Variants in GPHN observed in about 807,000 individuals in gnomAD.
The protein encoded by GPHN is gephyrin.
A neutral mutation model predicts 95.5 loss-of-function variants in GPHN; 17 were observed. The observed-to-expected ratio is 0.18, with a 90% CI of 0.12 to 0.27. The LOEUF is 0.27. Among genes scored for constraint, GPHN ranks in the 10% least tolerant of loss-of-function variants. The probability of loss-of-function intolerance (pLI) is 1.00; values close to 1 mark genes in which losing one functional copy is unlikely to be tolerated. For synonymous variants in GPHN, 320 were observed against 322.5 expected (o/e 0.99, Z 0.08); for missense variants, 660 against 978.1 (o/e 0.67, Z 4.34).
intron 1 of GPHN, among the ~76,000 whole-genome samples, chr14:66,634,998 A>T (rs2064020828): frequency 6.6e-6 from 1 of 152,186 alleles, no homozygotes; most frequent in South Asian, 2.1e-4. Context: ...TCCATCTCTG[A>T]TGTGGTGTCT....
At chr14:66,860,509 G>C (rs966927284) in intron 4 of GPHN, among the ~76,000 whole-genome samples, 11 of 151,970 alleles carry the variant, frequency 7.2e-5, no homozygotes, top group Non-Finnish European at 1.5e-4. Context: ...CAGTCTTAAA[G>C]AAAAGGATGC....
the GPHN span, among the ~76,000 whole-genome samples, chr14:67,391,269 ATATGTGTGTGTGTGTGTGTGTGTG>A: frequency 2.1e-5 from 3 of 139,568 alleles, no homozygotes; most frequent in African/African-American, 8.8e-5. Context: ...TAAGCAGCTG[ATATGTGTGTGTGTGTGTGTGTGTG>A]TGTGTGTGTG....
At chr14:66,682,295 C>T (rs994609243) in intron 2 of GPHN, among the ~76,000 whole-genome samples, 4 of 152,074 alleles carry the variant, frequency 2.6e-5, no homozygotes, top group African/African-American at 9.7e-5. Context: ...TGACAGTTGT[C>T]CTTTGAGTCC....
At chr14:67,209,942 C>T in the GPHN span, among the ~76,000 whole-genome samples, 1 of 151,418 alleles carries the variant, frequency 6.6e-6, no homozygotes, top group African/African-American at 2.4e-5. Flanking sequence ...AGAAAATTTA[C>T]TCCAGAAGAC....
chr14:67,302,754 T>G, the GPHN span, among the ~76,000 whole-genome samples: 1 of 152,186 alleles, frequency 6.6e-6, no homozygotes, highest in Non-Finnish European at 1.5e-5. Flanking sequence ...CCACTGATAT[T>G]TTTTTACTTT....
chr14:66,896,121 G>C (rs1019580774), intron 5 of GPHN, among the ~76,000 whole-genome samples: 11 of 152,110 alleles, frequency 7.2e-5, no homozygotes, highest in African/African-American at 2.2e-4. Flanking sequence ...CATGAGGACA[G>C]AGTTAATCAC....
chr14:66,672,862 A>T (rs1250396677), intron 1 of GPHN, among the ~76,000 whole-genome samples: 2 of 152,046 alleles, frequency 1.3e-5, no homozygotes, highest in Non-Finnish European at 2.9e-5. Flanking sequence ...ATCTACCCTG[A>T]CAATCTCTGT....
At chr14:67,306,078 T>C in the GPHN span, among the ~76,000 whole-genome samples, 1 of 152,206 alleles carries the variant, frequency 6.6e-6, no homozygotes, top group African/African-American at 2.4e-5. Flanking sequence ...CAAGCAGTTC[T>C]CCTGCTTCAG....
chr14:67,640,896 C>CCTA, the GPHN span, among the ~76,000 whole-genome samples: 31 of 152,266 alleles, frequency 2.0e-4, no homozygotes, highest in South Asian at 1.0e-3. Context: ...GTCCCTAATC[C>CCTA]AGAAATCCAA....
chr14:66,986,676 C>T (rs2319549), intron 9 of GPHN, among the ~76,000 whole-genome samples: 40,230 of 151,996 alleles, frequency 0.26, 9,001 homozygotes, highest in African/African-American at 0.58. Context: ...ATCTCATTTG[C>T]CCTAACAGCA....
chr14:66,874,095 G>C (rs1478040328), intron 4 of GPHN, among the ~76,000 whole-genome samples: 1 of 152,224 alleles, frequency 6.6e-6, no homozygotes, highest in Non-Finnish European at 1.5e-5. Flanking sequence ...GCCTTTGCTA[G>C]TGATACCCAG....
the GPHN span, among the ~76,000 whole-genome samples, chr14:67,421,654 T>C: frequency 1.9e-4 from 29 of 152,328 alleles, no homozygotes; most frequent in African/African-American, 6.5e-4. Context: ...GGAACGATCC[T>C]AGCCATTAAC....
the GPHN span, among the ~76,000 whole-genome samples, chr14:67,723,229 G>C: frequency 3.9e-5 from 6 of 152,170 alleles, no homozygotes; most frequent in African/African-American, 1.4e-4. Flanking sequence ...TGTGTTCTGA[G>C]TGGAGAATTT....
At chr14:66,576,913 C>T (rs904761825) in intron 1 of GPHN, among the ~76,000 whole-genome samples, 1 of 151,998 alleles carries the variant, frequency 6.6e-6, no homozygotes, top group African/African-American at 2.4e-5. Flanking sequence ...AATTTGTTCC[C>T]CTATTCTGAT....
the GPHN span, among the ~76,000 whole-genome samples, chr14:67,445,275 A>T: frequency 3.9e-3 from 591 of 152,196 alleles, 4 homozygotes; most frequent in Non-Finnish European, 5.7e-3. Context: ...CAGCCAGGCA[A>T]AAGTGTGGGT....
intron 1 of GPHN, among the ~76,000 whole-genome samples, chr14:66,637,129 A>T (rs1016261295): frequency 6.6e-6 from 1 of 152,118 alleles, no homozygotes; most frequent in African/African-American, 2.4e-5. Context: ...CACTTTATTT[A>T]GCTTGGCTCT....
rs559094994 is a variant in GPHN, at chr14:66,656,200, T to A, written c.65-24907T>A. On this transcript the variant is annotated intron_variant, in intron 1 of 22. Coordinates refer to ENST00000478722, the MANE Select transcript of GPHN (RefSeq NM_020806.5). ...TAAATTTTGTGAGTATTTGTTTGGA[T>A]TTTCCAGTGAAAGAATTATTGCCTA... Among the ~76,000 whole-genome samples, 73 of 152,278 alleles carry A rather than the reference T, an allele frequency of 4.8e-4. 1 individual carries two copies. The Middle Eastern group carries it at 0.02, about 43-fold the overall frequency.
rs550133799 is a variant in GPHN at position 66,558,090 on chromosome 14, T to C, written c.64+49499T>C. On this transcript the variant is annotated intron_variant, in intron 1 of 22. Transcript: ENST00000478722. ...ACCTTCTCAATGAAAATATTTTCTC[T>C]TTAAAAACCTGAGAAAATGATTTTT... 4.6e-5 allele frequency among the ~76,000 whole-genome samples: 7 copies of C among 152,290 alleles called. No individual in the cohort carries two copies. In the South Asian group the frequency reaches 1.2e-3, roughly 27 times the overall value.
At chr14:67,675,433 G>A in the GPHN span, among the ~76,000 whole-genome samples, 34 of 151,888 alleles carry the variant, frequency 2.2e-4, no homozygotes, top group Non-Finnish European at 1.0e-4. Context: ...CTCCAGCTTT[G>A]GGAGACCTTG....
Sources: allele counts gnomAD v4.1 joint callset (sites outside exome capture counted in the v4.1 genomes callset), GRCh38; gene constraint gnomAD v4.1.1; transcripts MANE v1.5; gene names NCBI Gene and HGNC (gene_info 2026-07-23, HGNC 2026-07-21).